Variants in SEMA6D observed in about 807,000 individuals in gnomAD.
SEMA6D encodes semaphorin-6D.
SEMA6D carries 35 observed loss-of-function variants against 106.6 expected under a neutral mutation model. The observed-to-expected ratio is 0.33, with a 90% CI of 0.25 to 0.44. SEMA6D has a LOEUF of 0.44. Among genes scored for constraint, SEMA6D ranks in the 20% least tolerant of loss-of-function variants. The probability of loss-of-function intolerance (pLI) is 1.00; values close to 1 mark genes in which losing one functional copy is unlikely to be tolerated. For synonymous variants in SEMA6D, 499 were observed against 487.7 expected (o/e 1.02, Z -0.31); for missense variants, 1,185 against 1,345.9 (o/e 0.88, Z 1.87).
At chr15:47,755,945 A>C (rs776850567) in intron 1 of SEMA6D, among the ~76,000 whole-genome samples, 6 of 151,868 alleles carry the variant, frequency 4.0e-5, no homozygotes, top group Non-Finnish European at 7.4e-5. Context: ...GTATGGGACT[A>C]AGCTCCATGT....
intron 2 of SEMA6D, among the ~76,000 whole-genome samples, chr15:47,461,348 A>G (rs1386784812): frequency 6.6e-6 from 1 of 151,882 alleles, no homozygotes; most frequent in Non-Finnish European, 1.5e-5. Flanking sequence ...TGCCACACAC[A>G]CACTCTTGAA....
chr15:47,709,852 A>G (rs1228130513), intron 4 of SEMA6D, among the ~76,000 whole-genome samples: 2 of 150,278 alleles, frequency 1.3e-5, no homozygotes, highest in Non-Finnish European at 3.0e-5. Context: ...GTTTATTCAT[A>G]TTTTTTCTTC....
At chr15:47,680,301 C>T (rs2078327628) in intron 4 of SEMA6D, among the ~76,000 whole-genome samples, 1 of 152,134 alleles carries the variant, frequency 6.6e-6, no homozygotes, top group Admixed American at 6.5e-5. Context: ...CCCCATATCC[C>T]ACAGCCTGTC....
chr15:47,368,530 G>A (rs1822006539), intron 1 of SEMA6D, among the ~76,000 whole-genome samples: 1 of 151,976 alleles, frequency 6.6e-6, no homozygotes, highest in African/African-American at 2.4e-5. Flanking sequence ...GAGTGCAGTG[G>A]CGGGATCTCG....
intron 4 of SEMA6D, among the ~76,000 whole-genome samples, chr15:47,692,096 A>T (rs2078598862): frequency 6.6e-6 from 1 of 152,160 alleles, no homozygotes; most frequent in African/African-American, 2.4e-5. Context: ...AATGGAAGAG[A>T]GCCAGAGTGG....
chr15:47,757,803 A>T (rs2081838748), intron 1 of SEMA6D, among the ~76,000 whole-genome samples: 2 of 152,174 alleles, frequency 1.3e-5, no homozygotes, highest in Admixed American at 1.3e-4. Context: ...TCTTAAAGTC[A>T]ATCTGGTCAT....
chr15:47,440,244 C>T (rs12591490), intron 2 of SEMA6D, among the ~76,000 whole-genome samples: 114,021 of 151,878 alleles, frequency 0.75, 43,291 homozygotes, highest in East Asian at 0.98. Context: ...AGAGAGAACT[C>T]AAAAGATGGC....
chr15:47,240,343 C>T (rs564153473), intron 1 of SEMA6D, among the ~76,000 whole-genome samples: 13 of 152,142 alleles, frequency 8.5e-5, no homozygotes, highest in Non-Finnish European at 1.6e-4. Context: ...AATTATTTTA[C>T]TTCCCTGGCT....
chr15:47,430,016 G>A (rs2041471453), intron 2 of SEMA6D, among the ~76,000 whole-genome samples: 1 of 152,098 alleles, frequency 6.6e-6, no homozygotes, highest in South Asian at 2.1e-4. Context: ...CTGAAAGTAA[G>A]AGGCTCTTCC....
intron 1 of SEMA6D, among the ~76,000 whole-genome samples, chr15:47,727,124 T>C (rs1244679222): frequency 6.6e-6 from 1 of 152,218 alleles, no homozygotes; most frequent in Non-Finnish European, 1.5e-5. Context: ...TTAGCACATG[T>C]TCTGTGCTGG....
At chr15:47,217,336 C>A (rs910765940) in intron 1 of SEMA6D, among the ~76,000 whole-genome samples, 1 of 152,190 alleles carries the variant, frequency 6.6e-6, no homozygotes, top group South Asian at 2.1e-4. Flanking sequence ...AGGATTTACC[C>A]CAGTAACACA....
chr15:47,471,018 T>C (rs533204718), intron 3 of SEMA6D, among the ~76,000 whole-genome samples: 2 of 152,272 alleles, frequency 1.3e-5, no homozygotes, highest in South Asian at 2.1e-4. Context: ...GGAAGGCAAG[T>C]TGCATGATGC....
At chr15:47,249,330 A>G (rs1282363706) in intron 1 of SEMA6D, among the ~76,000 whole-genome samples, 4 of 152,192 alleles carry the variant, frequency 2.6e-5, no homozygotes, top group African/African-American at 9.6e-5. Context: ...TGTATTACTT[A>G]TAGTTCATTT....
chr15:47,576,404 T>C (rs971374517), intron 3 of SEMA6D, among the ~76,000 whole-genome samples: 1 of 152,146 alleles, frequency 6.6e-6, no homozygotes, highest in Non-Finnish European at 1.5e-5. Flanking sequence ...AGTGAAGTTG[T>C]TGATGATTGA....
intron 3 of SEMA6D, among the ~76,000 whole-genome samples, chr15:47,540,693 A>C (rs1415666888): frequency 3.3e-5 from 5 of 152,142 alleles, no homozygotes; most frequent in African/African-American, 9.7e-5. Context: ...CAATATGATG[A>C]ATCTTAAAAT....
At chr15:47,451,144 C>G (rs1041394301) in intron 2 of SEMA6D, among the ~76,000 whole-genome samples, 12 of 152,062 alleles carry the variant, frequency 7.9e-5, no homozygotes, top group Admixed American at 6.6e-5. Flanking sequence ...TGAGATATAT[C>G]TACCTGGTTT....
intron 3 of SEMA6D, among the ~76,000 whole-genome samples, chr15:47,574,524 AG>A (rs1296555057): frequency 1.3e-5 from 2 of 152,234 alleles, no homozygotes; most frequent in Non-Finnish European, 2.9e-5. Flanking sequence ...TCAAGGCTAG[AG>A]AACCCTCAGC....
intron 1 of SEMA6D, among the ~76,000 whole-genome samples, chr15:47,728,429 C>G (rs1385450752): frequency 6.6e-6 from 1 of 152,160 alleles, no homozygotes; most frequent in Non-Finnish European, 1.5e-5. Flanking sequence ...AACATAATGA[C>G]AGCAAACATT....
intron 4 of SEMA6D, among the ~76,000 whole-genome samples, chr15:47,670,400 C>G (rs1429662726): frequency 5.3e-5 from 8 of 152,160 alleles, no homozygotes; most frequent in Non-Finnish European, 1.2e-4. Context: ...GGCATGATTT[C>G]ATGATTTCAT....
Sources: allele counts gnomAD v4.1 joint callset (sites outside exome capture counted in the v4.1 genomes callset), GRCh38; gene constraint gnomAD v4.1.1; transcripts MANE v1.5; gene names NCBI Gene and HGNC (gene_info 2026-07-23, HGNC 2026-07-21).